DNM3: variants seen among roughly 807,000 people sequenced by gnomAD.
DNM3 encodes dynamin-3.
Under a neutral mutation model 101.6 loss-of-function variants are expected in DNM3, and 47 were observed. That is an observed-to-expected ratio of 0.46 (90% CI 0.37 to 0.59). The LOEUF (loss-of-function observed/expected upper bound fraction) is 0.59, where lower values mean the gene tolerates loss of function less well. Ranked by LOEUF, DNM3 falls within the 20% of genes least tolerant of loss-of-function variation. The probability of loss-of-function intolerance (pLI) is 0.00; values close to 1 mark genes in which losing one functional copy is unlikely to be tolerated. For missense variants in DNM3, 849 were observed against 1,085.7 expected, an observed-to-expected ratio of 0.78 and a Z score of 3.06; for synonymous variants, 385 against 387.9, an observed-to-expected ratio of 0.99 and a Z score of 0.09.
chr1:171,936,759 G>C (rs958208293), intron 2 of DNM3, among the ~76,000 whole-genome samples: 2 of 115,346 alleles, frequency 1.7e-5, no homozygotes, highest in East Asian at 2.4e-4. Flanking sequence ...TATCAGTATT[G>C]AGTATTTGGG....
intron 1 of DNM3, among the ~76,000 whole-genome samples, chr1:171,920,707 G>A (rs1422082379): frequency 6.6e-6 from 1 of 152,154 alleles, no homozygotes; most frequent in African/African-American, 2.4e-5. Context: ...TAATTTATGT[G>A]GCATTGCAGA....
chr1:172,346,414 A>G (rs1463587146), intron 17 of DNM3, among the ~76,000 whole-genome samples: 3 of 152,204 alleles, frequency 2.0e-5, no homozygotes, highest in African/African-American at 7.2e-5. Flanking sequence ...TGGGCCTTGT[A>G]TGCCAAGGGC....
rs149592001 is a variant in DNM3, at chr1:172,257,288, A to G, written c.1769+3606A>G. Among the ~76,000 whole-genome samples the G allele has an allele frequency of 1.4e-4, 21 of 152,228 alleles. No homozygotes were observed. In the East Asian group the frequency reaches 3.7e-3, roughly 27 times the overall value. On this transcript the variant is annotated intron_variant, in intron 15 of 20. Coordinates refer to ENST00000627582, the MANE Select transcript of DNM3 (RefSeq NM_015569.5). ...AAGACAATTAAACATTTTAGATACT[A>G]TCTAGAAAGGGGAACAGGCGGGGAG...
intron 17 of DNM3, among the ~76,000 whole-genome samples, chr1:172,361,014 A>G (rs959526861): frequency 1.3e-5 from 2 of 152,050 alleles, no homozygotes; most frequent in Non-Finnish European, 2.9e-5. Flanking sequence ...AACTGGGGCT[A>G]TACCTGACTT....
At chr1:172,186,080 G>A (rs1035011821) in intron 14 of DNM3, among the ~76,000 whole-genome samples, 13 of 152,032 alleles carry the variant, frequency 8.6e-5, no homozygotes, top group Admixed American at 2.6e-4. Flanking sequence ...AATAAAAATG[G>A]GAATAAGGAG....
At chr1:172,013,641 T>C (rs966721861) in intron 4 of DNM3, among the ~76,000 whole-genome samples, 6 of 151,932 alleles carry the variant, frequency 3.9e-5, no homozygotes, top group Non-Finnish European at 8.8e-5. Context: ...GGGATCCTGA[T>C]TGAGGACCCA....
intron 10 of DNM3, among the ~76,000 whole-genome samples, chr1:172,058,435 A>G (rs1327443538): frequency 1.3e-5 from 2 of 151,062 alleles, no homozygotes; most frequent in East Asian, 4.0e-4. Flanking sequence ...AATTGACCAC[A>G]TAGTTGGAAG....
chr1:172,268,626 C>G (rs554225200), intron 15 of DNM3, among the ~76,000 whole-genome samples: 3 of 152,240 alleles, frequency 2.0e-5, no homozygotes, highest in African/African-American at 7.2e-5. Context: ...CACACCCAGA[C>G]AGAAATCAAA....
chr1:172,248,286 T>C (rs1244767989), intron 14 of DNM3, among the ~76,000 whole-genome samples: 4 of 152,152 alleles, frequency 2.6e-5, no homozygotes, highest in African/African-American at 9.6e-5. Flanking sequence ...TCTGGTTAAT[T>C]TTTACACAAT....
At chr1:172,177,019 T>C (rs2059175399) in intron 14 of DNM3, among the ~76,000 whole-genome samples, 1 of 151,750 alleles carries the variant, frequency 6.6e-6, no homozygotes, top group South Asian at 2.1e-4. Context: ...ACAAAGAAAC[T>C]CAGTAGGACT....
At chr1:171,865,140 A>T (rs1366138510) in intron 1 of DNM3, among the ~76,000 whole-genome samples, 1 of 52,378 alleles carries the variant, frequency 1.9e-5, no homozygotes, top group African/African-American at 6.7e-5. Context: ...TACAAACTAT[A>T]TTCATTTATT....
intron 1 of DNM3, among the ~76,000 whole-genome samples, chr1:171,848,532 A>G (rs2032509959): frequency 6.6e-6 from 1 of 152,224 alleles, no homozygotes; most frequent in Non-Finnish European, 1.5e-5. Context: ...GATGGTCATC[A>G]ATAGGCCTTG....
intron 15 of DNM3, among the ~76,000 whole-genome samples, chr1:172,283,059 C>G (rs1275822397): frequency 1.3e-5 from 2 of 152,182 alleles, no homozygotes; most frequent in African/African-American, 4.8e-5. Context: ...TCAGGCAGAT[C>G]TGATTGTCAG....
intron 4 of DNM3, among the ~76,000 whole-genome samples, chr1:172,015,387 T>C (rs975885493): frequency 6.6e-6 from 1 of 152,202 alleles, no homozygotes; most frequent in Non-Finnish European, 1.5e-5. Context: ...TATTGAGTCT[T>C]TCTACTTGTT....
chr1:172,227,026 A>G (rs1022817116), intron 14 of DNM3, among the ~76,000 whole-genome samples: 19 of 151,808 alleles, frequency 1.3e-4, no homozygotes, highest in African/African-American at 4.3e-4. Flanking sequence ...ACACTGTACC[A>G]GTACGTAGTT....
chr1:172,330,471 T>C (rs2148931829), intron 17 of DNM3, among the ~76,000 whole-genome samples: 1 of 152,260 alleles, frequency 6.6e-6, no homozygotes, highest in East Asian at 1.9e-4. Flanking sequence ...TTGTGTACTA[T>C]GCTCACTACC....
intron 7 of DNM3, among the ~76,000 whole-genome samples, chr1:172,038,737 C>T (rs1050468877): frequency 6.6e-6 from 1 of 152,114 alleles, no homozygotes; most frequent in African/African-American, 2.4e-5. Flanking sequence ...AGGGATGACC[C>T]AGCAGGAATT....
chr1:172,226,018 A>G (rs570097219), intron 14 of DNM3, among the ~76,000 whole-genome samples: 1 of 152,104 alleles, frequency 6.6e-6, no homozygotes, highest in African/African-American at 2.4e-5. Flanking sequence ...AATTTATTGT[A>G]ATTTATTTAA....
chr1:172,237,023 C>T (rs1254197549), intron 14 of DNM3, among the ~76,000 whole-genome samples: 2 of 152,114 alleles, frequency 1.3e-5, no homozygotes, highest in Non-Finnish European at 2.9e-5. Flanking sequence ...TCTTCTACAG[C>T]TCTTTAGTTT....
Sources: gnomAD v4.1 joint callset for allele counts (sites outside exome capture counted in the v4.1 genomes callset) on GRCh38, gnomAD v4.1.1 for gene constraint, MANE v1.5 for transcripts, NCBI Gene and HGNC (gene_info 2026-07-23, HGNC 2026-07-21) for gene names.